DNTTIP1: variants seen among roughly 807,000 people sequenced by gnomAD.
DNTTIP1 encodes deoxynucleotidyltransferase terminal-interacting protein 1.
DNTTIP1 carries 22 observed loss-of-function variants against 52.9 expected under a neutral mutation model. The observed-to-expected ratio is 0.42, with a 90% CI of 0.30 to 0.59. DNTTIP1 has a LOEUF of 0.59. DNTTIP1 is among the 20% of genes least tolerant of loss of function. The pLI is 0.22. For missense variants in DNTTIP1, 286 were observed against 435.5 expected (o/e 0.66, Z 3.06); for synonymous variants, 136 against 155.1 (o/e 0.88, Z 0.92).
intron 8 of DNTTIP1, among the ~76,000 whole-genome samples, chr20:45,803,663 G>C (rs1483463021): frequency 1.3e-5 from 2 of 152,222 alleles, no homozygotes; most frequent in African/African-American, 4.8e-5. Context: ...GTAACGGGCA[G>C]TGTCCTAAAT....
rs936989458 is a variant in DNTTIP1 at position 45,811,369 on chromosome 20, T to A, written c.*174T>A. On this transcript the variant is annotated 3_prime_UTR_variant, in exon 13 of 13. Transcript: ENST00000372622. ...CCCAGACTAGCATGTGGTTCTATAT[T>A]TGTAAAGTTATTGGGATAAGAAACA... 1.4e-5 allele frequency: 9 copies of A among 624,698 alleles called. No individual in the cohort carries two copies. Among genetic ancestry groups the A allele is most frequent in the Non-Finnish European group, 2.3e-5 (9 of 383,918 alleles). 38.7% of individuals were successfully genotyped at this position (624,698 alleles called of 1,614,324 possible).
chr20:45,800,694 AATATAT>A (rs1158615012), intron 4 of DNTTIP1, among the ~76,000 whole-genome samples: 44 of 16,342 alleles, frequency 2.7e-3, no homozygotes, highest in Non-Finnish European at 3.5e-3. Flanking sequence ...AAAAAAAAAA[AATATAT>A]ATATATATAT....
intron 12 of DNTTIP1, 28 bp downstream of exon 12, chr20:45,810,968 C>A: frequency 6.2e-7 from 1 of 1,614,158 alleles, no homozygotes; most frequent in Non-Finnish European, 8.5e-7. Flanking sequence ...CCTGCCCCTT[C>A]TCCTCTCCCT....
At chr20:45,795,740 G>A (rs140291106) in intron 4 of DNTTIP1, among the ~76,000 whole-genome samples, 129 of 152,186 alleles carry the variant, frequency 8.5e-4, no homozygotes, top group African/African-American at 2.8e-3. Flanking sequence ...CAGAGGTTGC[G>A]GTGAGCCGAG....
chr20:45,805,878 G>A (rs1414093023), intron 10 of DNTTIP1, among the ~76,000 whole-genome samples: 1 of 152,150 alleles, frequency 6.6e-6, no homozygotes, highest in Non-Finnish European at 1.5e-5. Flanking sequence ...GAAGTTGGGA[G>A]TTCGAGACCA....
At chr20:45,802,131 C>A in intron 7 of DNTTIP1, 74 bp downstream of exon 7, 1 of 1,510,642 alleles carries the variant, frequency 6.6e-7, no homozygotes, top group Non-Finnish European at 9.2e-7. Context: ...GAAAAGAGTC[C>A]AGGGTTCTGT....
rs1981211324 is a variant in DNTTIP1, at chr20:45,795,528, G to GT, written c.372+86dup. 6 of 819,820 alleles carry GT rather than the reference G, an allele frequency of 7.3e-6. No homozygotes were observed. The South Asian group carries it at 9.6e-5, about 13-fold the overall frequency. The allele number at this position is 819,820 out of a possible 1,614,324, so 50.8% of individuals were successfully genotyped here. A position where few individuals can be genotyped will look rare whatever the true frequency, so the allele number is the denominator to read the frequency against. On this transcript the variant is annotated intron_variant, in intron 4 of 12. Transcript: ENST00000372622. ...GAAATGCGATCTTAAGCCGGACGTG[G>GT]TGGCTCACACATGTAATCCCAGCAC...
chr20:45,805,122 C>T (rs774068634), intron 8 of DNTTIP1, 24 bp from the exon 9 acceptor site: 6 of 1,610,932 alleles, frequency 3.7e-6, no homozygotes, highest in Non-Finnish European at 4.2e-6. Flanking sequence ...TTCACCCTCA[C>T]GAGCTTCTCT....
chr20:45,809,254 G>A lies in DNTTIP1; in HGVS notation c.795+69G>A, dbSNP rs187781952. 10 of 1,375,456 alleles carry A rather than the reference G, an allele frequency of 7.3e-6. No individual in the cohort carries two copies. In the African/African-American group the frequency reaches 8.5e-5, roughly 12 times the overall value. The allele number at this position is 1,375,456 out of a possible 1,614,324, so 85.2% of individuals were successfully genotyped here. On this transcript the variant is annotated intron_variant, in intron 11 of 12. Coordinates refer to ENST00000372622, the MANE Select transcript of DNTTIP1 (RefSeq NM_052951.3). This position sits in a 1 kb window ranked among gnomAD's most constrained non-coding sequence, Gnocchi z 4.2. ...CTGGGAACCAGGATTTTGGCTGTGGGTGACAGCCTACCTCCAAATCTGACT... is the reference window on the plus strand; with the variant it reads ...CTGGGAACCAGGATTTTGGCTGTGGATGACAGCCTACCTCCAAATCTGACT...
At chr20:45,792,866 G>A (rs1325921445) in intron 2 of DNTTIP1, 119 bp downstream of exon 2, 1 of 826,104 alleles carries the variant, frequency 1.2e-6, no homozygotes, top group African/African-American at 1.8e-5. Context: ...CAGGACTGAG[G>A]AAGAGGAGAC....
chr20:45,792,742 A>T lies in DNTTIP1; in HGVS notation c.171A>T (p.Thr57=), dbSNP rs1981074731. ...GGAGGGGCCGCCGCTCACAGATGAC[A>T]ACAAGGTAAGGCTGGCCCTGCATGG... ...VQRRGRRSQM[T]TSFTDPAISM... Residue 57 remains threonine, a synonymous_variant, in exon 2 of 13, where the codon ACA becomes ACT. Transcript: ENST00000372622. 1 of 1,611,774 alleles carries T rather than the reference A, an allele frequency of 6.2e-7. No homozygotes were observed. The highest frequency in any genetic ancestry group is 1.7e-5 in the Admixed American group (1 of 59,450).
chr20:45,810,110 C>T (rs762252327), intron 11 of DNTTIP1, among the ~76,000 whole-genome samples: 1 of 152,260 alleles, frequency 6.6e-6, no homozygotes, highest in Middle Eastern at 3.4e-3. Flanking sequence ...GTAGGCCCCA[C>T]TCATGGACAC....
chr20:45,795,465 G>A, intron 4 of DNTTIP1, 22 bp downstream of exon 4: 1 of 1,473,600 alleles, frequency 6.8e-7, no homozygotes, highest in East Asian at 2.3e-5. Context: ...GGGGACAAGA[G>A]ATGCAGGCAC....
In DNTTIP1 at chr20:45,801,386, T is replaced by C; in HGVS notation, c.442-16T>C. 1 of 1,614,058 alleles carries C rather than the reference T, an allele frequency of 6.2e-7. No individual in the cohort carries two copies. ...AGGCACTGGCCTTCCACTGACTCCC[T>C]TCCCTTTTCTTTTAGCGTGGCCGTC... On this transcript the variant is annotated splice_polypyrimidine_tract_variant and intron_variant, in intron 5 of 12. Coordinates refer to ENST00000372622, the MANE Select transcript of DNTTIP1 (RefSeq NM_052951.3).
chr20:45,803,413 C>A (rs1981537276), intron 8 of DNTTIP1, 35 bp downstream of exon 8: 6 of 1,612,814 alleles, frequency 3.7e-6, no homozygotes, highest in Non-Finnish European at 5.1e-6. Flanking sequence ...GATCACGATC[C>A]CAGGAGATAG....
rs1981739413 is a variant in DNTTIP1, at chr20:45,808,986, T to C, written c.724-128T>C. On this transcript the variant is annotated intron_variant, in intron 10 of 12. Transcript: ENST00000372622. Reference sequence around the variant, plus strand: ...TCTCTGAAGAGATTAGTGAGCCCTCTAAGTCCACCACGCTTGGAGACAAGG... The same window carrying C: ...TCTCTGAAGAGATTAGTGAGCCCTCCAAGTCCACCACGCTTGGAGACAAGG... 6.4e-6 allele frequency: 5 copies of C among 776,638 alleles called. No homozygotes were observed. In the Admixed American group the frequency reaches 6.7e-5, roughly 10 times the overall value. 48.1% of individuals were successfully genotyped at this position (776,638 alleles called of 1,614,324 possible). A position where few individuals can be genotyped will look rare whatever the true frequency, so the allele number is the denominator to read the frequency against.
At position 45,803,451 on chromosome 20, in the gene DNTTIP1, G is replaced by C. The variant is rs925268554; in HGVS notation, c.603+73G>C. 44 of 1,568,926 alleles carry C rather than the reference G, an allele frequency of 2.8e-5. No individual in the cohort carries two copies. The African/African-American group carries it at 5.0e-4, about 18-fold the overall frequency. On this transcript the variant is annotated intron_variant, in intron 8 of 12. Transcript: ENST00000372622. ...CCACTATCTCTAGGACCCACCATGA[G>C]GGAAAGGGGCAGGGGGCGAAGGGTG...
chr20:45,802,605 A>C (rs1367167039), intron 7 of DNTTIP1, among the ~76,000 whole-genome samples: 1 of 152,156 alleles, frequency 6.6e-6, no homozygotes, highest in Admixed American at 6.5e-5. Context: ...GACATCAGGC[A>C]CCAGAGTGGT....
At chr20:45,800,269 A>G (rs1287563438) in intron 4 of DNTTIP1, among the ~76,000 whole-genome samples, 1 of 152,302 alleles carries the variant, frequency 6.6e-6, no homozygotes, top group East Asian at 1.9e-4. Context: ...TTATGTAATG[A>G]GATTCCAGGT....
Sources: gnomAD v4.1 joint callset for allele counts (sites outside exome capture counted in the v4.1 genomes callset) on GRCh38, gnomAD v4.1.1 for gene constraint, Gnocchi (gnomAD v3.1) non-coding constraint, MANE v1.5 for transcripts, NCBI Gene and HGNC (gene_info 2026-07-23, HGNC 2026-07-21) for gene names.